The following GNL1 variants were observed in gnomAD, a reference collection of about 807,000 sequenced individuals.
The protein encoded by GNL1 is guanine nucleotide-binding protein-like 1.
GNL1 carries 21 observed loss-of-function variants against 75.2 expected under a neutral mutation model. The ratio of observed to expected loss-of-function variants is 0.28; its 90% CI spans 0.20 to 0.40. The LOEUF is 0.40. GNL1 is among the 10% of genes least tolerant of loss of function. The pLI is 1.00. For synonymous variants in GNL1, 287 were observed against 303.4 expected, an observed-to-expected ratio of 0.95 and a Z score of 0.56; for missense variants, 579 against 775.0, an observed-to-expected ratio of 0.75 and a Z score of 3.00.
rs1410490017 is a variant in GNL1 at position 30,542,712 on chromosome 6, C to T, written c.*3360G>A. Reference sequence around the variant, plus strand: ...TCTCTTCTTTCCATCTTCCATTACCCTAATTCTGGTGTTCATTCTCTCTCC... The same window carrying T: ...TCTCTTCTTTCCATCTTCCATTACCTTAATTCTGGTGTTCATTCTCTCTCC... On this transcript the variant is annotated 3_prime_UTR_variant, in exon 12 of 12. Transcript: ENST00000376621. This position sits in a 1 kb window ranked among gnomAD's most constrained non-coding sequence, Gnocchi z 4.5. 1 of 152,254 alleles carries T rather than the reference C, an allele frequency of 6.6e-6. No individual in the cohort carries two copies. Among genetic ancestry groups the T allele is most frequent in the African/African-American group, 2.4e-5 (1 of 41,438 alleles). 9.4% of individuals were successfully genotyped at this position (152,254 alleles called of 1,614,324 possible). A position where few individuals can be genotyped will look rare whatever the true frequency, so the allele number is the denominator to read the frequency against.
Position 30,555,336 on chromosome 6 carries a change from T to G in GNL1, c.240-145A>C. 2 of 1,049,580 alleles carry G rather than the reference T, an allele frequency of 1.9e-6. No individual in the cohort carries two copies. The allele number at this position is 1,049,580 out of a possible 1,614,324, so 65.0% of individuals were successfully genotyped here. A position where few individuals can be genotyped will look rare whatever the true frequency, so the allele number is the denominator to read the frequency against. ...CTCAAGTCAGACTTCCCCCAAGTCCTTCTTTCAGGCAATACTCAGCCTTCT... is the reference window on the plus strand; with the variant it reads ...CTCAAGTCAGACTTCCCCCAAGTCCGTCTTTCAGGCAATACTCAGCCTTCT... On this transcript the variant is annotated intron_variant, in intron 2 of 11. Coordinates refer to ENST00000376621, the MANE Select transcript of GNL1 (RefSeq NM_005275.5). This position sits in a 1 kb window ranked among gnomAD's most constrained non-coding sequence, Gnocchi z 4.3.
chr6:30,546,388 G>C lies in GNL1; in HGVS notation c.1583-75C>G. The C allele has an allele frequency of 1.2e-6, 1 of 863,616 alleles. No homozygotes were observed. The highest frequency in any genetic ancestry group is 1.8e-6 in the Non-Finnish European group (1 of 543,800). The allele number at this position is 863,616 out of a possible 1,614,324, so 53.5% of individuals were successfully genotyped here. A position where few individuals can be genotyped will look rare whatever the true frequency, so the allele number is the denominator to read the frequency against. ...TAAAGCCAAGGAAAGATGGGGAAGAGGCAAAGACTAGGAATAACAATAATC... is the reference window on the plus strand; with the variant it reads ...TAAAGCCAAGGAAAGATGGGGAAGACGCAAAGACTAGGAATAACAATAATC... On this transcript the variant is annotated intron_variant, in intron 11 of 11. Transcript: ENST00000376621. This position sits in a 1 kb window ranked among gnomAD's most constrained non-coding sequence, Gnocchi z 5.1.
In GNL1 at chr6:30,555,636, C is replaced by T. The variant is rs760258705; in HGVS notation, c.158G>A (p.Gly53Glu). The change falls in exon 2 of 12, where the codon GGG (glycine) becomes GAG (glutamate). Residue 53 changes from glycine to glutamate, a missense_variant. Physicochemically the swap from Gly to Glu is moderately conservative, Grantham distance 98. Transcript: ENST00000376621. This position sits in a 1 kb window ranked among gnomAD's most constrained non-coding sequence, Gnocchi z 4.3. Reference protein sequence around the residue: ...RREEQTDTSDGESVTHHIRRL... With the variant: ...RREEQTDTSDEESVTHHIRRL... ...GCGGATATGATGGGTCACAGACTCC[C>T]CGTCCGAGGTGTCGGTCTGTTCCTC... 3 of 1,613,918 alleles carry T rather than the reference C, an allele frequency of 1.9e-6. No individual in the cohort carries two copies. Among genetic ancestry groups the T allele is most frequent in the Admixed American group, 1.7e-5 (1 of 60,016 alleles).
chr6:30,546,436 C>A lies in GNL1; in HGVS notation c.1583-123G>T. 1 of 703,356 alleles carries A rather than the reference C, an allele frequency of 1.4e-6. No homozygotes were observed. Among genetic ancestry groups the A allele is most frequent in the Non-Finnish European group, 2.4e-6 (1 of 410,354 alleles). 43.6% of individuals were successfully genotyped at this position (703,356 alleles called of 1,614,324 possible). A position where few individuals can be genotyped will look rare whatever the true frequency, so the allele number is the denominator to read the frequency against. On this transcript the variant is annotated intron_variant, in intron 11 of 11. Coordinates refer to ENST00000376621, the MANE Select transcript of GNL1 (RefSeq NM_005275.5). This position sits in a 1 kb window ranked among gnomAD's most constrained non-coding sequence, Gnocchi z 5.1. ...ATCTTTAGAGCTGCTGGCATTCATT[C>A]ATTCATCCATTCATTCAACTTCCTA...
Position 30,548,972 on chromosome 6 carries a change from G to C in GNL1, c.1100-1442C>G, listed in dbSNP as rs1582499259. On this transcript the variant is annotated intron_variant, in intron 8 of 11. Transcript: ENST00000376621. The surrounding 1 kb of genome is among the most constrained non-coding windows in gnomAD (Gnocchi z 4.2). ...ATGAACCCCATACCACCCAATGTGT[G>C]ACAACATGTTCCATCTGTCCTTGTT... Among the ~76,000 whole-genome samples the C allele has an allele frequency of 6.7e-6, 1 of 149,948 alleles. No individual in the cohort carries two copies. Among genetic ancestry groups the C allele is most frequent in the East Asian group, 1.9e-4 (1 of 5,140 alleles).
chr6:30,555,097 A>C lies in GNL1; in HGVS notation c.334T>G (p.Leu112Val), dbSNP rs2127380827. Residue 112 changes from leucine (L) to valine (V), a missense_variant, in exon 3 of 12, where the codon TTG becomes GTG. By Grantham distance (32) the Leu-to-Val change is conservative. Transcript: ENST00000376621. This position sits in a 1 kb window ranked among gnomAD's most constrained non-coding sequence, Gnocchi z 4.3. Reference sequence around the variant, plus strand: ...ACCTCCCGGATGTCCAGCTCCAACAACTCAGCACTGACCGGCTGTAGAACT... The same window carrying C: ...ACCTCCCGGATGTCCAGCTCCAACACCTCAGCACTGACCGGCTGTAGAACT... ...EQVLQPVSAELLELDIREVYQ... is the reference protein window; with the variant it reads ...EQVLQPVSAEVLELDIREVYQ... 1 of 1,612,382 alleles carries C rather than the reference A, an allele frequency of 6.2e-7. No individual in the cohort carries two copies.
At chr6:30,550,220 AAG>A (rs1799688454) in intron 8 of GNL1, among the ~76,000 whole-genome samples, 1 of 151,996 alleles carries the variant, frequency 6.6e-6, no homozygotes, top group African/African-American at 2.4e-5. Flanking sequence ...TCTCTCCCCT[AAG>A]CTGCTGACTA....
Position 30,542,267 on chromosome 6 carries a change from C to T in GNL1, c.*3805G>A, listed in dbSNP as rs1039067665. Reference sequence around the variant, plus strand: ...CTCGTTCATTTTCCCCGCCACCACCCATCAGCAGCGTTCCACGCCGCCCTT... The same window carrying T: ...CTCGTTCATTTTCCCCGCCACCACCTATCAGCAGCGTTCCACGCCGCCCTT... On this transcript the variant is annotated 3_prime_UTR_variant, in exon 12 of 12. Transcript: ENST00000376621. The surrounding 1 kb of genome is among the most constrained non-coding windows in gnomAD (Gnocchi z 4.5). 1 of 152,140 alleles carries T rather than the reference C, an allele frequency of 6.6e-6. No homozygotes were observed. The highest frequency in any genetic ancestry group is 1.5e-5 in the Non-Finnish European group (1 of 68,028). 9.4% of individuals were successfully genotyped at this position (152,140 alleles called of 1,614,324 possible). A position where few individuals can be genotyped will look rare whatever the true frequency, so the allele number is the denominator to read the frequency against.
chr6:30,546,582 C>CA lies in GNL1; in HGVS notation c.1582+113dup. On this transcript the variant is annotated intron_variant, in intron 11 of 11. Transcript: ENST00000376621. The surrounding 1 kb of genome is among the most constrained non-coding windows in gnomAD (Gnocchi z 5.1). The stretch of plus-strand genomic sequence containing the variant: ...GGAAAATATCACAGATGTTAAGTAA[C>CA]AGAGCTAGCCAACAGGTACAGAATC... The CA allele has an allele frequency of 3.5e-6, 3 of 861,592 alleles. No homozygotes were observed. Among genetic ancestry groups the CA allele is most frequent in the Non-Finnish European group, 5.6e-6 (3 of 540,024 alleles). 53.4% of individuals were successfully genotyped at this position (861,592 alleles called of 1,614,324 possible).
chr6:30,553,968 TTAA>T lies in GNL1; in HGVS notation c.601-414_601-412del, dbSNP rs537460920. ...GTGCACATGTGTGCATGTTTGTGTG[TTAA>T]TGTGACTGTGAACATGTGTGCAAAC... On this transcript the variant is annotated intron_variant, in intron 5 of 11. Transcript: ENST00000376621. 9.0e-4 allele frequency among the ~76,000 whole-genome samples: 137 copies of T among 152,346 alleles called. 2 individuals carry two copies. The highest frequency in any genetic ancestry group is 3.4e-3 in the Middle Eastern group (1 of 294).
In GNL1 at chr6:30,555,614, G is replaced by A. The variant is rs768537348; in HGVS notation, c.180C>T (p.Ile60=). The part of the protein sequence containing the change: ...TSDGESVTHH[I]RRLNQQPSQG... Reference sequence around the variant, plus strand: ...GAGAAGGCTGCTGGTTAAGCCTGCGGATATGATGGGTCACAGACTCCCCGT... The same window carrying A: ...GAGAAGGCTGCTGGTTAAGCCTGCGAATATGATGGGTCACAGACTCCCCGT... Residue 60 remains isoleucine (I), a synonymous_variant, in exon 2 of 12, where the codon ATC becomes ATT. Coordinates refer to ENST00000376621, the MANE Select transcript of GNL1 (RefSeq NM_005275.5). The surrounding 1 kb of genome is among the most constrained non-coding windows in gnomAD (Gnocchi z 4.3). 3.1e-6 allele frequency: 5 copies of A among 1,614,064 alleles called. No individual in the cohort carries two copies. Among genetic ancestry groups the A allele is most frequent in the East Asian group, 2.2e-5 (1 of 44,876 alleles).
rs1273698412 is a variant in GNL1, at chr6:30,546,879, G to A, written c.1442-43C>T. 6.5e-7 allele frequency: 1 copy of A among 1,527,620 alleles called. No homozygotes were observed. The highest frequency in any genetic ancestry group is 1.2e-5 in the South Asian group (1 of 85,624). The allele number at this position is 1,527,620 out of a possible 1,614,324, so 94.6% of individuals were successfully genotyped here. A position where few individuals can be genotyped will look rare whatever the true frequency, so the allele number is the denominator to read the frequency against. On this transcript the variant is annotated intron_variant, in intron 10 of 11. Coordinates refer to ENST00000376621, the MANE Select transcript of GNL1 (RefSeq NM_005275.5). The surrounding 1 kb of genome is among the most constrained non-coding windows in gnomAD (Gnocchi z 5.1). The stretch of plus-strand genomic sequence containing the variant: ...TAATGGAAAGGGAAAGCATTAACCA[G>A]GTACCAGTTATACTCCCACTCCCAT...
At position 30,555,476 on chromosome 6, in the gene GNL1, G is replaced by C. The variant is rs1562716481; in HGVS notation, c.239+79C>G. On this transcript the variant is annotated intron_variant, in intron 2 of 11. Coordinates refer to ENST00000376621, the MANE Select transcript of GNL1 (RefSeq NM_005275.5). This position sits in a 1 kb window ranked among gnomAD's most constrained non-coding sequence, Gnocchi z 4.3. ...CATCCCAGGCCCACCGTCTTCACCA[G>C]TAGCAGCCCGCTTTCCCCCAAAGCT... The C allele has an allele frequency of 7.1e-7, 1 of 1,407,440 alleles. No individual in the cohort carries two copies. The highest frequency in any genetic ancestry group is 9.8e-7 in the Non-Finnish European group (1 of 1,018,896). 87.2% of individuals were successfully genotyped at this position (1,407,440 alleles called of 1,614,324 possible). A position where few individuals can be genotyped will look rare whatever the true frequency, so the allele number is the denominator to read the frequency against.
In GNL1 at chr6:30,555,987, G is replaced by A. The variant is rs912557012; in HGVS notation, c.73+144C>T. ...ACCCCTTCCAGATGTAGGGGGGGTG[G>A]GGGATCCCCTCCGCGATAGGCCGCG... On this transcript the variant is annotated intron_variant, in intron 1 of 11. Coordinates refer to ENST00000376621, the MANE Select transcript of GNL1 (RefSeq NM_005275.5). This position sits in a 1 kb window ranked among gnomAD's most constrained non-coding sequence, Gnocchi z 4.3. The A allele has an allele frequency of 1.9e-6, 2 of 1,031,870 alleles. No homozygotes were observed. Among genetic ancestry groups the A allele is most frequent in the African/African-American group, 3.1e-5 (2 of 63,820 alleles). The allele number at this position is 1,031,870 out of a possible 1,614,324, so 63.9% of individuals were successfully genotyped here. A position where few individuals can be genotyped will look rare whatever the true frequency, so the allele number is the denominator to read the frequency against.
chr6:30,546,383 G>A lies in GNL1; in HGVS notation c.1583-70C>T, dbSNP rs1286472746. 2 of 927,238 alleles carry A rather than the reference G, an allele frequency of 2.2e-6. No homozygotes were observed. Among genetic ancestry groups the A allele is most frequent in the Non-Finnish European group, 3.3e-6 (2 of 597,818 alleles). The allele number at this position is 927,238 out of a possible 1,614,324, so 57.4% of individuals were successfully genotyped here. A position where few individuals can be genotyped will look rare whatever the true frequency, so the allele number is the denominator to read the frequency against. ...AGAACTAAAGCCAAGGAAAGATGGG[G>A]AAGAGGCAAAGACTAGGAATAACAA... On this transcript the variant is annotated intron_variant, in intron 11 of 11. Transcript: ENST00000376621. The surrounding 1 kb of genome is among the most constrained non-coding windows in gnomAD (Gnocchi z 5.1).
rs1800024639 is a variant in GNL1, at chr6:30,554,745, C to T, written c.528+19G>A. On this transcript the variant is annotated intron_variant, in intron 4 of 11. Coordinates refer to ENST00000376621, the MANE Select transcript of GNL1 (RefSeq NM_005275.5). ...ATAGGTCACTATGCCCCACTCCTGT[C>T]CCTAGAGTACACTGTCACCTCCAGA... 6.2e-7 allele frequency: 1 copy of T among 1,612,322 alleles called. No homozygotes were observed. Among genetic ancestry groups the T allele is most frequent in the East Asian group, 2.2e-5 (1 of 44,886 alleles).
At chr6:30,553,262 G>GCC (rs1239591072) in intron 6 of GNL1, 83 bp from the exon 7 acceptor site, 19 of 1,432,526 alleles carry the variant, frequency 1.3e-5, no homozygotes, top group Non-Finnish European at 1.9e-5. Flanking sequence ...AAGACCAGGT[G>GCC]CCCCCTTGTC....
chr6:30,553,466 G>A lies in GNL1; in HGVS notation c.692C>T (p.Pro231Leu), dbSNP rs770630082. The change falls in exon 6 of 12, where the codon CCG becomes CTG. Residue 231 changes from proline (P) to leucine (L), a missense_variant. By Grantham distance (98) the Pro-to-Leu change is moderately conservative. Coordinates refer to ENST00000376621, the MANE Select transcript of GNL1 (RefSeq NM_005275.5). The stretch of plus-strand genomic sequence containing the variant: ...CTTCCAGGCAACCACAAGAGCTGGC[G>A]GGGCCAGATCCACCTTGTTCAAAAC... The part of the protein sequence containing the change: ...VLVLNKVDLA[P>L]PALVVAWKHY... The A allele has an allele frequency of 3.7e-6, 6 of 1,612,854 alleles. No homozygotes were observed. The highest frequency in any genetic ancestry group is 3.3e-5 in the Admixed American group (2 of 60,020).
At position 30,555,271 on chromosome 6, in the gene GNL1, T is replaced by C. The variant is rs1389291543; in HGVS notation, c.240-80A>G. ...TTTTCTCCCCTCTTGTACAATCAAC[T>C]TCGCAAACCATTCTCTCCAGAGTCG... On this transcript the variant is annotated intron_variant, in intron 2 of 11. Transcript: ENST00000376621. This position sits in a 1 kb window ranked among gnomAD's most constrained non-coding sequence, Gnocchi z 4.3. The C allele has an allele frequency of 1.3e-6, 2 of 1,551,676 alleles. No individual in the cohort carries two copies. The highest frequency in any genetic ancestry group is 1.4e-5 in the African/African-American group (1 of 73,602).
Sources: gnomAD v4.1 joint callset for allele counts (sites outside exome capture counted in the v4.1 genomes callset) on GRCh38, gnomAD v4.1.1 for gene constraint, Gnocchi (gnomAD v3.1) non-coding constraint, MANE v1.5 for transcripts, NCBI Gene and HGNC (gene_info 2026-07-23, HGNC 2026-07-21) for gene names.